AUTS2: variants seen among roughly 807,000 people sequenced by gnomAD.
AUTS2 encodes autism susceptibility gene 2 protein.
In AUTS2, 17 loss-of-function variants were observed where a neutral mutation model predicts 112.4. The ratio of observed to expected loss-of-function variants is 0.15; its 90% CI spans 0.10 to 0.23. The LOEUF (loss-of-function observed/expected upper bound fraction) is 0.23. AUTS2 is among the 10% of genes least tolerant of loss of function. The pLI is 1.00. For missense variants in AUTS2, 1,510 were observed against 1,701.6 expected (o/e 0.89, Z 1.98); for synonymous variants, 751 against 702.7 (o/e 1.07, Z -1.09).
chr7:70,114,665 G>A (rs1157156344), intron 2 of AUTS2, among the ~76,000 whole-genome samples: 1 of 152,176 alleles, frequency 6.6e-6, no homozygotes, highest in East Asian at 1.9e-4. Context: ...GGTGGCACAT[G>A]CCTGTCATGC....
At chr7:70,283,091 T>C (rs1398684362) in intron 4 of AUTS2, among the ~76,000 whole-genome samples, 1 of 152,184 alleles carries the variant, frequency 6.6e-6, no homozygotes, top group Non-Finnish European at 1.5e-5. Flanking sequence ...AAGCTACTGT[T>C]TGTACCATTC....
At chr7:69,727,098 G>A (rs964235949) in intron 1 of AUTS2, among the ~76,000 whole-genome samples, 2 of 151,832 alleles carry the variant, frequency 1.3e-5, no homozygotes, top group African/African-American at 4.8e-5. Context: ...TCTTACCCTA[G>A]GTTATAGAAA....
chr7:69,675,599 C>T lies in AUTS2; in HGVS notation c.309+75637C>T, dbSNP rs145659691. 3.5e-3 allele frequency among the ~76,000 whole-genome samples: 529 copies of T among 151,156 alleles called. 2 individuals carry two copies. The highest frequency in any genetic ancestry group is 0.012 in the African/African-American group (503 of 41,028). On this transcript the variant is annotated intron_variant, in intron 1 of 18. Coordinates refer to ENST00000342771, the MANE Select transcript of AUTS2 (RefSeq NM_015570.4). The stretch of plus-strand genomic sequence containing the variant: ...TCTCATCTCTGCAACCTCTGCCTCC[C>T]GGGTTCAAGACATTCACCTGCCTTA...
chr7:70,776,281 T>C (rs1332783360), intron 13 of AUTS2, among the ~76,000 whole-genome samples: 1 of 152,192 alleles, frequency 6.6e-6, no homozygotes, highest in Non-Finnish European at 1.5e-5. Flanking sequence ...GCCGAGCTTA[T>C]GGGTAGATTA....
chr7:69,723,074 A>AT (rs1187234699), intron 1 of AUTS2, among the ~76,000 whole-genome samples: 38 of 152,150 alleles, frequency 2.5e-4, no homozygotes, highest in African/African-American at 7.7e-4. Context: ...GTGCAGCTGC[A>AT]TATTAACCTG....
At chr7:70,553,829 C>A (rs1801124565) in intron 5 of AUTS2, among the ~76,000 whole-genome samples, 1 of 125,850 alleles carries the variant, frequency 7.9e-6, no homozygotes. Flanking sequence ...TGCAGTGGTG[C>A]GATTTCGGCT....
At chr7:70,330,280 T>G (rs1039115125) in intron 4 of AUTS2, among the ~76,000 whole-genome samples, 7 of 152,216 alleles carry the variant, frequency 4.6e-5, no homozygotes, top group African/African-American at 1.7e-4. Context: ...AGGCTGTTGA[T>G]CCACGTTGAA....
At chr7:70,478,541 C>CT (rs1312928288) in intron 5 of AUTS2, among the ~76,000 whole-genome samples, 3 of 152,200 alleles carry the variant, frequency 2.0e-5, no homozygotes, top group African/African-American at 4.8e-5. Context: ...TCTCTCTCTT[C>CT]TTTTTACATT....
intron 6 of AUTS2, among the ~76,000 whole-genome samples, chr7:70,706,422 G>A (rs1809741927): frequency 1.3e-5 from 2 of 152,322 alleles, no homozygotes; most frequent in Non-Finnish European, 1.5e-5. Context: ...ACAGGGAGGA[G>A]CAGAAGAGAA....
At chr7:70,108,535 A>G (rs892176367) in intron 2 of AUTS2, among the ~76,000 whole-genome samples, 2 of 152,008 alleles carry the variant, frequency 1.3e-5, no homozygotes, top group African/African-American at 2.4e-5. Flanking sequence ...CCCCTTCCCA[A>G]TAGGTATTGC....
In AUTS2 at chr7:70,183,986, A is replaced by T. The variant is rs555480240; in HGVS notation, c.660+49415A>T. Among the ~76,000 whole-genome samples the T allele has an allele frequency of 4.6e-5, 7 of 152,234 alleles. No individual in the cohort carries two copies. In the East Asian group the frequency reaches 9.7e-4, roughly 21 times the overall value. The stretch of plus-strand genomic sequence containing the variant: ...ATAGAACATATAATTCAGCAGATTT[A>T]TTGATGGGGAGGTATCTATTGTAGT... On this transcript the variant is annotated intron_variant, in intron 4 of 18. Coordinates refer to ENST00000342771, the MANE Select transcript of AUTS2 (RefSeq NM_015570.4).
At chr7:70,579,103 T>G (rs1802309235) in intron 5 of AUTS2, among the ~76,000 whole-genome samples, 1 of 150,746 alleles carries the variant, frequency 6.6e-6, no homozygotes, top group Admixed American at 6.6e-5. Flanking sequence ...TAATTTTTGT[T>G]TTTTTAGTAG....
chr7:70,259,977 C>G (rs1787079101), intron 4 of AUTS2, among the ~76,000 whole-genome samples: 1 of 152,046 alleles, frequency 6.6e-6, no homozygotes, highest in South Asian at 2.1e-4. Context: ...TTTTAATTTG[C>G]CATTTTCTTA....
chr7:70,122,887 T>TC (rs1805758563), intron 3 of AUTS2, among the ~76,000 whole-genome samples: 3 of 149,238 alleles, frequency 2.0e-5, no homozygotes, highest in African/African-American at 5.0e-5. Context: ...TTTTTTTTTT[T>TC]TCCGTGACAC....
intron 1 of AUTS2, among the ~76,000 whole-genome samples, chr7:69,759,975 T>C (rs1788108919): frequency 6.6e-6 from 1 of 151,730 alleles, no homozygotes; most frequent in Admixed American, 6.6e-5. Flanking sequence ...ATTTATTGCC[T>C]AATAAATGAA....
intron 2 of AUTS2, among the ~76,000 whole-genome samples, chr7:70,075,034 A>G (rs1802960655): frequency 6.6e-6 from 1 of 152,164 alleles, no homozygotes; most frequent in Non-Finnish European, 1.5e-5. Context: ...TCAGATTTCT[A>G]CCTTGGATGC....
chr7:70,117,127 G>T (rs6964334), intron 2 of AUTS2, among the ~76,000 whole-genome samples: 6,391 of 60,722 alleles, frequency 0.11, 186 homozygotes, highest in African/African-American at 0.13. Flanking sequence ...GTTTTTTTTT[G>T]TTTTTTTTTG....
chr7:70,717,091 G>T (rs1325293920), intron 6 of AUTS2, among the ~76,000 whole-genome samples: 1 of 150,836 alleles, frequency 6.6e-6, no homozygotes, highest in Admixed American at 6.6e-5. Flanking sequence ...TGGTGCAGTG[G>T]CACGGTCATA....
chr7:70,038,746 T>A (rs957559336), intron 2 of AUTS2, among the ~76,000 whole-genome samples: 1 of 152,086 alleles, frequency 6.6e-6, no homozygotes, highest in Non-Finnish European at 1.5e-5. Context: ...GTGGCATCAC[T>A]TTCCTGAGCC....
Sources: gnomAD v4.1 joint callset for allele counts (sites outside exome capture counted in the v4.1 genomes callset) on GRCh38, gnomAD v4.1.1 for gene constraint, MANE v1.5 for transcripts, NCBI Gene and HGNC (gene_info 2026-07-23, HGNC 2026-07-21) for gene names.